Variants in DLGAP1 observed in about 807,000 individuals in gnomAD.
DLGAP1 encodes the protein DLG associated protein 1.
DLGAP1 carries 11 observed loss-of-function variants against 90.8 expected under a neutral mutation model. The observed-to-expected ratio is 0.12, with a 90% CI of 0.08 to 0.20. The LOEUF (loss-of-function observed/expected upper bound fraction) is 0.20. Among genes scored for constraint, DLGAP1 ranks in the 10% least tolerant of loss-of-function variants. The probability of loss-of-function intolerance (pLI) is 1.00; values close to 1 mark genes in which losing one functional copy is unlikely to be tolerated. For synonymous variants in DLGAP1, 558 were observed against 540.7 expected (o/e 1.03, Z -0.44); for missense variants, 1,050 against 1,333.8 (o/e 0.79, Z 3.31).
chr18:3,812,666 A>C (rs2066901726), intron 5 of DLGAP1, among the ~76,000 whole-genome samples: 2 of 152,214 alleles, frequency 1.3e-5, no homozygotes, highest in Non-Finnish European at 2.9e-5. Context: ...TTTTTGATTA[A>C]AATGATCCAG....
intron 8 of DLGAP1, among the ~76,000 whole-genome samples, chr18:3,568,798 T>C (rs1599287577): frequency 6.6e-6 from 1 of 152,144 alleles, no homozygotes; most frequent in South Asian, 2.1e-4. Flanking sequence ...ACCATTCTCC[T>C]GCCTCAGCTT....
chr18:4,065,792 G>A (rs1181321329), intron 2 of DLGAP1, among the ~76,000 whole-genome samples: 4 of 151,888 alleles, frequency 2.6e-5, no homozygotes, highest in African/African-American at 9.7e-5. Context: ...AACTACCACT[G>A]ACATTCTTTG....
At chr18:3,663,168 G>A (rs1026076124) in intron 7 of DLGAP1, among the ~76,000 whole-genome samples, 8 of 152,078 alleles carry the variant, frequency 5.3e-5, no homozygotes, top group Non-Finnish European at 1.0e-4. Context: ...CTACTTGGGA[G>A]GCTGAGGAAG....
chr18:3,855,618 AATTT>A (rs1303791987), intron 4 of DLGAP1, among the ~76,000 whole-genome samples: 3 of 152,056 alleles, frequency 2.0e-5, no homozygotes, highest in Admixed American at 6.6e-5. Flanking sequence ...TTAATTAATT[AATTT>A]ATTTATTTTG....
chr18:3,721,488 T>A (rs2061981055), intron 7 of DLGAP1: 1 of 152,192 alleles, frequency 6.6e-6, no homozygotes, highest in African/African-American at 2.4e-5. Flanking sequence ...CATAGGCTTT[T>A]AAAAAAATTT....
intron 2 of DLGAP1, among the ~76,000 whole-genome samples, chr18:4,132,003 G>A (rs1321307437): frequency 5.3e-5 from 8 of 152,016 alleles, no homozygotes; most frequent in African/African-American, 2.4e-5. Context: ...TTTCAAAAGC[G>A]GTTGAAATGG....
At chr18:4,152,166 A>T (rs973459582) in intron 1 of DLGAP1, among the ~76,000 whole-genome samples, 2 of 152,184 alleles carry the variant, frequency 1.3e-5, no homozygotes, top group South Asian at 4.1e-4. Flanking sequence ...TGATGTCGAA[A>T]AGTGTAAATA....
chr18:3,511,428 C>T (rs543701897), intron 10 of DLGAP1, among the ~76,000 whole-genome samples: 1 of 151,696 alleles, frequency 6.6e-6, no homozygotes, highest in South Asian at 2.1e-4. Flanking sequence ...AAATGGTAAA[C>T]ACCAGTAGAA....
At chr18:4,282,105 C>G (rs1044885314) in intron 1 of DLGAP1, among the ~76,000 whole-genome samples, 1 of 152,170 alleles carries the variant, frequency 6.6e-6, no homozygotes, top group African/African-American at 2.4e-5. Flanking sequence ...GGGCTCACGC[C>G]TGTAATCCCA....
chr18:4,002,619 A>G (rs1400338675), intron 3 of DLGAP1, among the ~76,000 whole-genome samples: 2 of 152,150 alleles, frequency 1.3e-5, no homozygotes, highest in Admixed American at 6.5e-5. Flanking sequence ...AACATACAAC[A>G]TATGTATTCA....
intron 1 of DLGAP1, among the ~76,000 whole-genome samples, chr18:4,370,274 A>AAAAGC (rs1314076580): frequency 6.6e-6 from 1 of 152,194 alleles, no homozygotes; most frequent in Admixed American, 6.5e-5. Flanking sequence ...CAAGGGAAAG[A>AAAAGC]AAAGCAGGAA....
chr18:4,063,139 T>C (rs764553022), intron 2 of DLGAP1, among the ~76,000 whole-genome samples: 1 of 152,016 alleles, frequency 6.6e-6, no homozygotes, highest in Non-Finnish European at 1.5e-5. Flanking sequence ...AAAGGAGAGT[T>C]TTTCTTGGTA....
At chr18:3,821,891 C>A (rs1419140990) in intron 4 of DLGAP1, 11 of 985,088 alleles carry the variant, frequency 1.1e-5, no homozygotes. Context: ...TCCCTACTCA[C>A]TCGATTTCTT....
At chr18:3,613,631 A>G (rs1356570573) in intron 7 of DLGAP1, among the ~76,000 whole-genome samples, 1 of 152,156 alleles carries the variant, frequency 6.6e-6, no homozygotes, top group Non-Finnish European at 1.5e-5. Flanking sequence ...CCTGGCTAGG[A>G]AGCAATGTTG....
chr18:4,038,724 TTCCTCTTTTTGCCA>T (rs1011912844), intron 2 of DLGAP1, among the ~76,000 whole-genome samples: 1 of 152,152 alleles, frequency 6.6e-6, no homozygotes, highest in Non-Finnish European at 1.5e-5. Flanking sequence ...TTCATTTTTC[TTCCTCTTTTTGCCA>T]TCCTGCCTCT....
intron 5 of DLGAP1, among the ~76,000 whole-genome samples, chr18:3,745,394 CAAA>C (rs2063226250): frequency 6.6e-6 from 1 of 152,114 alleles, no homozygotes; most frequent in African/African-American, 2.4e-5. Context: ...CGTGAGTCCT[CAAA>C]ATAATCAGAT....
At chr18:4,241,619 T>C (rs997003921) in intron 1 of DLGAP1, among the ~76,000 whole-genome samples, 1 of 152,208 alleles carries the variant, frequency 6.6e-6, no homozygotes, top group Non-Finnish European at 1.5e-5. Context: ...GGAAATAATA[T>C]ACCATCATTC....
chr18:4,091,916 T>G (rs1467100746), intron 2 of DLGAP1, among the ~76,000 whole-genome samples: 7 of 152,090 alleles, frequency 4.6e-5, no homozygotes, highest in Non-Finnish European at 7.4e-5. Flanking sequence ...CATGCTTTTT[T>G]GTACATCTCA....
At chr18:4,146,754 TATC>T (rs139629627) in intron 2 of DLGAP1, among the ~76,000 whole-genome samples, 2,868 of 152,326 alleles carry the variant, frequency 0.019, 100 homozygotes, top group African/African-American at 0.066. Context: ...GCATTCATAT[TATC>T]ATCTGTTGTT....
Sources: gnomAD v4.1 joint callset for allele counts (sites outside exome capture counted in the v4.1 genomes callset) on GRCh38, gnomAD v4.1.1 for gene constraint, MANE v1.5 for transcripts, NCBI Gene and HGNC (gene_info 2026-07-23, HGNC 2026-07-21) for gene names.